SF3A1: variants seen among roughly 807,000 people sequenced by gnomAD.
The protein encoded by SF3A1 is SAP 114.
SF3A1 carries 13 observed loss-of-function variants against 89.9 expected under a neutral mutation model. The ratio of observed to expected loss-of-function variants is 0.14; its 90% confidence interval spans 0.09 to 0.23. The LOEUF (loss-of-function observed/expected upper bound fraction) is 0.23, where lower values mean the gene tolerates loss of function less well. Among genes scored for constraint, SF3A1 ranks in the 10% least tolerant of loss-of-function variants. The pLI is 1.00. For synonymous variants in SF3A1, 405 were observed against 374.4 expected, an observed-to-expected ratio of 1.08 and a Z score of -0.94; for missense variants, 604 against 1,022.1, an observed-to-expected ratio of 0.59 and a Z score of 5.58.
chr22:30,355,525 C>T (rs529998080), intron 1 of SF3A1, among the ~76,000 whole-genome samples: 1 of 152,328 alleles, frequency 6.6e-6, no homozygotes, highest in African/African-American at 2.4e-5. Context: ...ACCTGAATTT[C>T]TGAAACACAA....
chr22:30,338,442 G>C (rs1329458929), intron 11 of SF3A1, among the ~76,000 whole-genome samples: 1 of 139,242 alleles, frequency 7.2e-6, no homozygotes. Context: ...TGGGCGACAA[G>C]AGCAAAACTT....
In SF3A1 at chr22:30,335,529, T is replaced by A. The variant is rs1186453951; in HGVS notation, c.2218A>T (p.Ile740Phe). 1.2e-6 allele frequency: 2 copies of A among 1,614,202 alleles called. No homozygotes were observed. Among genetic ancestry groups the A allele is most frequent in the Non-Finnish European group, 1.7e-6 (2 of 1,180,026 alleles). ...GTGGCTTCATGAATCTTCACCTTAA[T>A]GACAGAGACCTGTGGGATCAAGCAG... ...TLPLTDQVSV[I>F]KVKIHEATGM... is the part of the protein sequence containing the mutation. The change falls in exon 15 of 16, where the codon ATT (isoleucine) becomes TTT (phenylalanine). Residue 740 changes from isoleucine to phenylalanine, a missense_variant. Coordinates refer to ENST00000215793, the MANE Select transcript of SF3A1 (RefSeq NM_005877.6).
At chr22:30,337,327 G>A in intron 12 of SF3A1, 147 bp from the exon 13 acceptor site, 1 of 803,748 alleles carries the variant, frequency 1.2e-6, no homozygotes, top group Non-Finnish European at 1.9e-6. Flanking sequence ...GCAGCCAGCA[G>A]GTTCCCTGGC....
At position 30,335,684 on chromosome 22, in the gene SF3A1, C is replaced by T. The variant is rs1931043432; in HGVS notation, c.2176G>A (p.Val726Met). 1 of 1,614,222 alleles carries T rather than the reference C, an allele frequency of 6.2e-7. No individual in the cohort carries two copies. Among genetic ancestry groups the T allele is most frequent in the Non-Finnish European group, 8.5e-7 (1 of 1,180,040 alleles). The change falls in exon 14 of 16, where the codon GTG (valine) becomes ATG (methionine). Residue 726 changes from valine to methionine, a missense_variant. By Grantham distance (21) the Val-to-Met change is conservative (BLOSUM62 1). This residue lies in a region of SF3A1 where 74 missense variants were observed against 141.3 expected (regional missense o/e 0.52). Transcript: ENST00000215793. ...GTGAGTGGGAGGGTGAAGACCAGCA[C>T]CTGCCCATTCAGTTTCCATTCCGTC... ...DKTEWKLNGQ[V>M]LVFTLPLTDQ...
chr22:30,346,580 A>G (rs1931428439), intron 2 of SF3A1, 61 bp from the exon 3 acceptor site: 9 of 1,572,158 alleles, frequency 5.7e-6, no homozygotes, highest in Non-Finnish European at 7.8e-6. Flanking sequence ...GTGATCTAGA[A>G]CACTGCCCAT....
intron 2 of SF3A1, among the ~76,000 whole-genome samples, chr22:30,347,647 C>T (rs1470269332): frequency 1.3e-5 from 2 of 152,180 alleles, no homozygotes; most frequent in Non-Finnish European, 2.9e-5. Context: ...CACTTATATA[C>T]AACACCTGTG....
intron 6 of SF3A1, 52 bp downstream of exon 6, chr22:30,342,148 G>T: frequency 6.2e-7 from 1 of 1,602,006 alleles, no homozygotes; most frequent in Non-Finnish European, 8.6e-7. Flanking sequence ...CAGGTTTCCC[G>T]GGAAGTCTGA....
chr22:30,346,349 T>C lies in SF3A1; in HGVS notation c.356A>G (p.Gln119Arg). The change falls in exon 3 of 16, where the codon CAG becomes CGG. Residue 119 changes from glutamine (Q) to arginine (R), a missense_variant. Gln to Arg is a conservative substitution (Grantham distance 43). Transcript: ENST00000215793. ...PSAAIPKVMQ[Q>R]QQQTTQQQLP... ...CTGCTGCTGGGTGGTCTGCTGCTGC[T>C]GCTGCATGACCTTGGGGATGGCGGC... The C allele has an allele frequency of 6.2e-7, 1 of 1,613,996 alleles. No homozygotes were observed. Among genetic ancestry groups the C allele is most frequent in the Non-Finnish European group, 8.5e-7 (1 of 1,179,896 alleles).
In SF3A1 at chr22:30,346,446, T is replaced by C. The variant is rs929495024; in HGVS notation, c.259A>G (p.Asn87Asp). The change falls in exon 3 of 16, where the codon AAT becomes GAT. Residue 87 changes from asparagine (N) to aspartate (D), a missense_variant. Around this residue, in one of 9 missense-constraint regions of SF3A1, gnomAD observed 162 missense variants for 229.2 expected, o/e 0.71. Transcript: ENST00000215793. ...CGGTAGTAGGCATGGTAAGGGTCAT[T>C]GGGGTTCAGAAAGTTGAACTTGGGG... The part of the protein sequence containing the change: ...NNPKFNFLNP[N>D]DPYHAYYRHK... 2 of 1,614,086 alleles carry C rather than the reference T, an allele frequency of 1.2e-6. No homozygotes were observed. Among genetic ancestry groups the C allele is most frequent in the Non-Finnish European group, 8.5e-7 (1 of 1,180,006 alleles).
rs762165246 is a variant in SF3A1 at position 30,345,122 on chromosome 22, A to G, written c.462T>C (p.Ala154=). 16 of 1,614,222 alleles carry G rather than the reference A, an allele frequency of 9.9e-6. 1 individual carries two copies. The South Asian group carries it at 1.8e-4, about 18-fold the overall frequency. ...CGAAGGCTGAGATAGAGGGAGGATC[A>G]GCAATGAACTCAAACTCAGGAGGAG... is the stretch of plus-strand genomic sequence containing the variant. ...KEPPPEFEFI[A]DPPSISAFDL... Residue 154 remains alanine (A), a synonymous_variant, in exon 4 of 16, where the codon GCT becomes GCC. Coordinates refer to ENST00000215793, the MANE Select transcript of SF3A1 (RefSeq NM_005877.6).
intron 1 of SF3A1, 76 bp downstream of exon 1, chr22:30,356,654 G>A: frequency 8.6e-7 from 1 of 1,167,342 alleles, no homozygotes; most frequent in Non-Finnish European, 1.1e-6. Flanking sequence ...ATAGCGGCCG[G>A]CCGCTTATTC....
At chr22:30,354,356 CA>C (rs2145825250) in intron 1 of SF3A1, among the ~76,000 whole-genome samples, 1 of 152,276 alleles carries the variant, frequency 6.6e-6, no homozygotes, top group East Asian at 1.9e-4. Context: ...CAACTGCCCA[CA>C]GCCATTATCT....
chr22:30,338,129 T>G (rs986617841), intron 11 of SF3A1, among the ~76,000 whole-genome samples: 2 of 152,148 alleles, frequency 1.3e-5, no homozygotes, highest in Non-Finnish European at 2.9e-5. Context: ...AAACTCGACC[T>G]GCTACTTTGG....
At position 30,356,756 on chromosome 22, in the gene SF3A1, G is replaced by A. The variant is rs1931883914; in HGVS notation, c.37C>T (p.Pro13Ser). The A allele has an allele frequency of 6.7e-7, 1 of 1,485,686 alleles. No individual in the cohort carries two copies. Among genetic ancestry groups the A allele is most frequent in the Admixed American group, 2.2e-5 (1 of 45,480 alleles). The allele number at this position is 1,485,686 out of a possible 1,614,324, so 92.0% of individuals were successfully genotyped here. The change falls in exon 1 of 16, where the codon CCG becomes TCG. Residue 13 changes from proline (P) to serine (S), a missense_variant. Around this residue, in one of 9 missense-constraint regions of SF3A1, gnomAD observed 55 missense variants for 43.8 expected, o/e 1.25. Transcript: ENST00000215793. ...AGPVQAVPPPPPVPTEPKQPT... is the reference protein window; with the variant it reads ...AGPVQAVPPPSPVPTEPKQPT... ...TGTTTGGGCTCCGTGGGCACGGGCGGCGGCGGGGGCACCGCCTGCACGGGT... is the reference window on the plus strand; with the variant it reads ...TGTTTGGGCTCCGTGGGCACGGGCGACGGCGGGGGCACCGCCTGCACGGGT...
At chr22:30,348,669 A>G (rs4820007) in intron 2 of SF3A1, among the ~76,000 whole-genome samples, 30,570 of 152,078 alleles carry the variant, frequency 0.2, 3,332 homozygotes, top group Middle Eastern at 0.35. Context: ...ATTTGACAGT[A>G]TATTAGTCTA....
At chr22:30,355,244 C>A (rs1298733382) in intron 1 of SF3A1, among the ~76,000 whole-genome samples, 1 of 152,190 alleles carries the variant, frequency 6.6e-6, no homozygotes, top group Non-Finnish European at 1.5e-5. Context: ...CTCCTGACCT[C>A]AAGTGATCTG....
At chr22:30,347,117 C>A (rs1196175214) in intron 2 of SF3A1, among the ~76,000 whole-genome samples, 2 of 152,144 alleles carry the variant, frequency 1.3e-5, no homozygotes, top group East Asian at 3.9e-4. Flanking sequence ...CAAGAAAAGA[C>A]CCTAACTCTA....
At position 30,334,090 on chromosome 22, in the gene SF3A1, A is replaced by C. The variant is rs901845885; in HGVS notation, c.*504T>G. ...TAGTTACAAAACCCAAAAATCCTCA[A>C]AGAGAAGCCACATAGCACTGTGCAG... On this transcript the variant is annotated 3_prime_UTR_variant, in exon 16 of 16. Transcript: ENST00000215793. The C allele has an allele frequency of 6.6e-6, 1 of 152,280 alleles. No individual in the cohort carries two copies. The highest frequency in any genetic ancestry group is 1.5e-5 in the Non-Finnish European group (1 of 68,076). 9.4% of individuals were successfully genotyped at this position (152,280 alleles called of 1,614,324 possible). A position where few individuals can be genotyped will look rare whatever the true frequency, so the allele number is the denominator to read the frequency against.
In SF3A1 at chr22:30,337,843, G is replaced by A. The variant is rs1197943084; in HGVS notation, c.1798C>T (p.Pro600Ser). Residue 600 changes from proline to serine, a missense_variant, in exon 12 of 16, where the codon CCC (proline) becomes TCC (serine). Coordinates refer to ENST00000215793, the MANE Select transcript of SF3A1 (RefSeq NM_005877.6). ...VVSAVPVMPR[P>S]PMASVVRLPP... is the part of the protein sequence containing the mutation. ...AGCCGGACCACAGATGCCATTGGGG[G>A]CCGGGGCATGACGGGTACTGCGGAG... is the stretch of plus-strand genomic sequence containing the variant. 6.2e-7 allele frequency: 1 copy of A among 1,608,744 alleles called. No homozygotes were observed. Among genetic ancestry groups the A allele is most frequent in the African/African-American group, 1.3e-5 (1 of 75,006 alleles).
Sources: gnomAD v4.1 joint callset for allele counts (sites outside exome capture counted in the v4.1 genomes callset) on GRCh38, gnomAD v4.1.1 for gene constraint, gnomAD v4.1.1 regional missense constraint, MANE v1.5 for transcripts, NCBI Gene and HGNC (gene_info 2026-07-23, HGNC 2026-07-21) for gene names.